WDFY3: variants seen among roughly 807,000 people sequenced by gnomAD.
WDFY3 encodes the protein WD repeat and FYVE domain containing 3.
A neutral mutation model predicts 409.6 loss-of-function variants in WDFY3; 66 were observed. The ratio of observed to expected loss-of-function variants is 0.16; its 90% CI spans 0.13 to 0.20. WDFY3 has a LOEUF of 0.20. Ranked by LOEUF, WDFY3 falls within the 10% of genes least tolerant of loss-of-function variation. The pLI, the probability that WDFY3 is intolerant of heterozygous loss-of-function variation, is 1.00. For synonymous variants in WDFY3, 1,521 were observed against 1,537.1 expected (o/e 0.99, Z 0.25); for missense variants, 3,031 against 4,298.1 (o/e 0.71, Z 8.24).
chr4:84,794,829 T>C (rs373609692), intron 20 of WDFY3, 50 bp downstream of exon 20: 188 of 1,522,616 alleles, frequency 1.2e-4, no homozygotes, highest in East Asian at 2.1e-4. Flanking sequence ...CTAAATTATA[T>C]ATAATCTACT....
intron 9 of WDFY3, among the ~76,000 whole-genome samples, chr4:84,828,675 T>C (rs924132079): frequency 6.6e-6 from 1 of 152,074 alleles, no homozygotes; most frequent in Non-Finnish European, 1.5e-5. Context: ...GGCCAAAGGA[T>C]TGCTTGAGGC....
At chr4:84,843,853 G>C (rs1757715873) in intron 5 of WDFY3, among the ~76,000 whole-genome samples, 1 of 152,054 alleles carries the variant, frequency 6.6e-6, no homozygotes, top group Non-Finnish European at 1.5e-5. Flanking sequence ...GGTAAAAAAT[G>C]CCCACTACTA....
At position 84,753,810 on chromosome 4, in the gene WDFY3, T is replaced by G. The variant is rs1740946655; in HGVS notation, c.5626A>C (p.Arg1876=). 1 of 1,611,444 alleles carries G rather than the reference T, an allele frequency of 6.2e-7. No individual in the cohort carries two copies. Among genetic ancestry groups the G allele is most frequent in the African/African-American group, 1.3e-5 (1 of 74,790 alleles). ...EYPVTLMQFF[R]YLYHNVPDLA... is the part of the protein sequence containing the mutation. ...TCTGGCACGTTGTGATACAAATATC[T>G]GAAGAACTGCATCAGGGTCACAGGA... is the stretch of plus-strand genomic sequence containing the variant. Residue 1876 remains arginine, a synonymous_variant, in exon 35 of 68, where the codon AGA becomes CGA. Transcript: ENST00000295888.
At chr4:84,718,330 A>T in intron 48 of WDFY3, 92 bp downstream of exon 48, 1 of 1,400,550 alleles carries the variant, frequency 7.1e-7, no homozygotes, top group Non-Finnish European at 9.6e-7. Flanking sequence ...ATTACCTAGA[A>T]CACAATTTTT....
chr4:84,786,415 A>G (rs944475315), intron 23 of WDFY3, among the ~76,000 whole-genome samples: 1 of 152,206 alleles, frequency 6.6e-6, no homozygotes, highest in Non-Finnish European at 1.5e-5. Context: ...TTTAACTGTT[A>G]TCTGACAAAC....
intron 3 of WDFY3, among the ~76,000 whole-genome samples, chr4:84,894,082 T>C (rs1190087111): frequency 1.3e-5 from 2 of 152,000 alleles, no homozygotes; most frequent in African/African-American, 2.4e-5. Context: ...TTAGAAACTA[T>C]AGTAAATTTC....
chr4:84,966,060 C>CCG (rs1314913626), intron 1 of WDFY3, 149 bp downstream of exon 1: 1 of 152,218 alleles, frequency 6.6e-6, no homozygotes, highest in Non-Finnish European at 1.5e-5. Flanking sequence ...AGCAGCTGGG[C>CCG]CGCGGCCTGT....
chr4:84,943,004 A>G (rs1462770006), intron 1 of WDFY3, among the ~76,000 whole-genome samples: 1 of 152,186 alleles, frequency 6.6e-6, no homozygotes, highest in Non-Finnish European at 1.5e-5. Context: ...TTGTCCAATT[A>G]TATGTGGATT....
At chr4:84,865,773 T>C (rs561435971) in intron 3 of WDFY3, among the ~76,000 whole-genome samples, 2 of 152,148 alleles carry the variant, frequency 1.3e-5, no homozygotes, top group Non-Finnish European at 2.9e-5. Context: ...ACGTTGCTCT[T>C]TTACAAATGC....
intron 13 of WDFY3, among the ~76,000 whole-genome samples, chr4:84,814,631 A>G (rs1753007335): frequency 6.6e-6 from 1 of 152,164 alleles, no homozygotes; most frequent in African/African-American, 2.4e-5. Context: ...CTCGGTTATC[A>G]GAGCAACTGT....
At chr4:84,765,606 CTT>C (rs1743493351) in intron 32 of WDFY3, among the ~76,000 whole-genome samples, 2 of 152,122 alleles carry the variant, frequency 1.3e-5, no homozygotes, top group South Asian at 4.1e-4. Flanking sequence ...GTTTTCAAAT[CTT>C]AGTATGTTAT....
chr4:84,877,579 G>A (rs1321256741), intron 3 of WDFY3, among the ~76,000 whole-genome samples: 1 of 152,196 alleles, frequency 6.6e-6, no homozygotes, highest in Non-Finnish European at 1.5e-5. Flanking sequence ...AATTAAAGGT[G>A]TGAGCCACTG....
rs1316207951 is a variant in WDFY3, at chr4:84,756,924, A to G, written c.5424+2T>C. The G allele has an allele frequency of 6.2e-7, 1 of 1,612,822 alleles. No individual in the cohort carries two copies. The highest frequency in any genetic ancestry group is 1.7e-5 in the Admixed American group (1 of 59,968). ...ACGCACCCCTTGCTAGATAATTCCT[A>G]CCTGGCAACCCTGCTTACTCCGGCA... On this transcript the variant is annotated splice_donor_variant, in intron 33 of 67. Transcript: ENST00000295888. LOFTEE classifies it high-confidence loss of function.
intron 5 of WDFY3, among the ~76,000 whole-genome samples, chr4:84,847,040 A>G (rs929878481): frequency 1.3e-5 from 2 of 152,108 alleles, no homozygotes; most frequent in Admixed American, 6.5e-5. Context: ...TTCACTGAAA[A>G]GAGTAAGAGA....
chr4:84,810,365 A>C (rs1252231018), intron 13 of WDFY3, 21 bp from the exon 14 acceptor site: 1 of 1,497,992 alleles, frequency 6.7e-7, no homozygotes, highest in East Asian at 2.4e-5. Context: ...CAAAAGAAAA[A>C]ACAAATGAAA....
chr4:84,797,456 G>A (rs1006922008), intron 18 of WDFY3, among the ~76,000 whole-genome samples: 64 of 151,970 alleles, frequency 4.2e-4, no homozygotes, highest in Non-Finnish European at 1.9e-4. Flanking sequence ...CCTCCTAAAT[G>A]TGCTGGATAT....
At chr4:84,847,397 A>G (rs1051537590) in intron 5 of WDFY3, among the ~76,000 whole-genome samples, 1 of 152,124 alleles carries the variant, frequency 6.6e-6, no homozygotes, top group African/African-American at 2.4e-5. Context: ...GACAAAGACA[A>G]AAACAAATTG....
chr4:84,764,747 T>C (rs949673776), intron 32 of WDFY3, among the ~76,000 whole-genome samples: 5 of 150,834 alleles, frequency 3.3e-5, no homozygotes, highest in Admixed American at 3.3e-4. Context: ...CAGGCGCCTG[T>C]AGTCCCAGCT....
At chr4:84,886,663 A>AAGGG (rs1487398513) in intron 3 of WDFY3, among the ~76,000 whole-genome samples, 1 of 152,156 alleles carries the variant, frequency 6.6e-6, no homozygotes, top group Non-Finnish European at 1.5e-5. Flanking sequence ...GGAAGGAAGG[A>AAGGG]AGGGAGGAAG....
Sources: gnomAD v4.1 joint callset for allele counts (sites outside exome capture counted in the v4.1 genomes callset) on GRCh38, gnomAD v4.1.1 for gene constraint, MANE v1.5 for transcripts, NCBI Gene and HGNC (gene_info 2026-07-23, HGNC 2026-07-21) for gene names.